The following RBFOX1 variants were observed in gnomAD, a reference collection of about 807,000 sequenced individuals.
RBFOX1 encodes RNA binding protein fox-1 homolog 1.
In RBFOX1, 8 loss-of-function variants were observed where a neutral mutation model predicts 57.7. That is an observed-to-expected ratio of 0.14 (90% confidence interval 0.08 to 0.25). The LOEUF (loss-of-function observed/expected upper bound fraction) is 0.25, where lower values mean the gene tolerates loss of function less well. RBFOX1 is among the 10% of genes least tolerant of loss of function. RBFOX1 has a pLI of 1.00. For missense variants in RBFOX1, 611 were observed against 548.5 expected (o/e 1.11, Z -1.14); for synonymous variants, 326 against 222.4 (o/e 1.47, Z -4.15).
At chr16:7,083,147 T>G (rs546802617) in intron 4 of RBFOX1, among the ~76,000 whole-genome samples, 3 of 152,270 alleles carry the variant, frequency 2.0e-5, no homozygotes, top group Admixed American at 2.0e-4. Flanking sequence ...ATGAGCAGAA[T>G]TTAAAACATA....
chr16:5,801,358 A>G (rs540785725), intron 3 of RBFOX1, among the ~76,000 whole-genome samples: 2 of 139,766 alleles, frequency 1.4e-5, no homozygotes, highest in African/African-American at 2.7e-5. Flanking sequence ...TTTTTTTTCA[A>G]TTTGAGTTTC....
At chr16:7,107,247 C>T (rs1056479269) in intron 4 of RBFOX1, among the ~76,000 whole-genome samples, 1 of 152,088 alleles carries the variant, frequency 6.6e-6, no homozygotes, top group Non-Finnish European at 1.5e-5. Flanking sequence ...GGGAGATCAG[C>T]ACACTGTGAG....
intron 4 of RBFOX1, among the ~76,000 whole-genome samples, chr16:7,082,930 G>C (rs1265034675): frequency 2.6e-5 from 4 of 152,172 alleles, no homozygotes; most frequent in Admixed American, 2.6e-4. Flanking sequence ...AGTTGTAAAT[G>C]TTTCCACTGT....
At chr16:5,718,892 G>C (rs1029582726) in intron 3 of RBFOX1, among the ~76,000 whole-genome samples, 1 of 151,980 alleles carries the variant, frequency 6.6e-6, no homozygotes, top group Non-Finnish European at 1.5e-5. Context: ...CTAGGTGACA[G>C]AGTGAGATTG....
At chr16:6,875,307 G>A (rs1002183140) in intron 3 of RBFOX1, among the ~76,000 whole-genome samples, 8 of 152,076 alleles carry the variant, frequency 5.3e-5, no homozygotes, top group Non-Finnish European at 1.0e-4. Flanking sequence ...GTGGGGGTGC[G>A]TTTTTTAGAG....
At chr16:7,326,781 A>G (rs890884359) in intron 4 of RBFOX1, among the ~76,000 whole-genome samples, 1 of 151,972 alleles carries the variant, frequency 6.6e-6, no homozygotes, top group African/African-American at 2.4e-5. Context: ...CCAACTTTGA[A>G]ACGCAGGCTT....
chr16:7,709,372 C>T, intron 15 of RBFOX1: 1 of 1,139,148 alleles, frequency 8.8e-7, no homozygotes, highest in Middle Eastern at 2.0e-4. Flanking sequence ...CCTAGCAGAG[C>T]ACTTACCTTA....
chr16:6,912,338 C>G (rs889814286), intron 3 of RBFOX1, among the ~76,000 whole-genome samples: 3 of 152,088 alleles, frequency 2.0e-5, no homozygotes, highest in Admixed American at 1.3e-4. Flanking sequence ...CTGTAATTTA[C>G]ACTTCTAGCA....
At chr16:5,992,576 G>T (rs1478956326) in intron 4 of RBFOX1, among the ~76,000 whole-genome samples, 2 of 152,118 alleles carry the variant, frequency 1.3e-5, no homozygotes, top group South Asian at 2.1e-4. Flanking sequence ...GTGTGTGTTG[G>T]GGAGTTTGTG....
chr16:6,469,026 G>C (rs961613230), intron 2 of RBFOX1, among the ~76,000 whole-genome samples: 13 of 152,008 alleles, frequency 8.6e-5, no homozygotes, highest in Non-Finnish European at 1.6e-4. Context: ...ATTGGAAGTG[G>C]TCAAGGCATT....
intron 4 of RBFOX1, among the ~76,000 whole-genome samples, chr16:7,341,646 A>T (rs145029028): frequency 1.4e-3 from 220 of 152,076 alleles, no homozygotes; most frequent in African/African-American, 4.9e-3. Flanking sequence ...ACAGAGAGAT[A>T]CTCCAAATGA....
At chr16:5,548,399 G>T (rs1266356315) in intron 2 of RBFOX1, among the ~76,000 whole-genome samples, 1 of 151,498 alleles carries the variant, frequency 6.6e-6, no homozygotes, top group African/African-American at 2.4e-5. Context: ...ATTAAAAAAA[G>T]GAGCACACAC....
intron 2 of RBFOX1, among the ~76,000 whole-genome samples, chr16:6,424,231 T>A (rs1248270290): frequency 1.3e-5 from 2 of 152,166 alleles, no homozygotes; most frequent in Admixed American, 6.5e-5. Flanking sequence ...AGAGCGAGAC[T>A]TGTTTCAAAA....
rs1356642711 is a variant in RBFOX1 at position 6,384,786 on chromosome 16, G to A, written c.-64+67729G>A. 6.6e-5 allele frequency among the ~76,000 whole-genome samples: 10 copies of A among 152,168 alleles called. 1 individual carries two copies. The highest frequency in any genetic ancestry group is 1.2e-4 in the African/African-American group (5 of 41,442). ...GGCTTCAAGCTTTGCTGTTTTCTCCGATCTGATATAGCCACTGTTCCTAGT... is the reference window on the plus strand; with the variant it reads ...GGCTTCAAGCTTTGCTGTTTTCTCCAATCTGATATAGCCACTGTTCCTAGT... On this transcript the variant is annotated intron_variant, in intron 2 of 15. Coordinates refer to ENST00000550418, the MANE Select transcript of RBFOX1 (RefSeq NM_018723.4).
At chr16:6,555,709 CAAAA>C (rs1050269739) in intron 2 of RBFOX1, among the ~76,000 whole-genome samples, 1 of 151,356 alleles carries the variant, frequency 6.6e-6, no homozygotes, top group African/African-American at 2.4e-5. Flanking sequence ...GAAAAAAAAA[CAAAA>C]CAAAACAAAC....
At chr16:5,900,911 T>C (rs1185942385) in intron 4 of RBFOX1, among the ~76,000 whole-genome samples, 2 of 152,188 alleles carry the variant, frequency 1.3e-5, no homozygotes, top group Non-Finnish European at 2.9e-5. Context: ...GGGAAATTAA[T>C]AGAACAAATC....
intron 3 of RBFOX1, among the ~76,000 whole-genome samples, chr16:7,022,712 C>G (rs1171381961): frequency 6.6e-6 from 1 of 152,060 alleles, no homozygotes; most frequent in African/African-American, 2.4e-5. Context: ...GGTAAGTAGG[C>G]AAAATGAGGA....
intron 2 of RBFOX1, among the ~76,000 whole-genome samples, chr16:6,572,325 T>C (rs74808127): frequency 2.0e-5 from 3 of 152,198 alleles, no homozygotes; most frequent in Non-Finnish European, 1.5e-5. Flanking sequence ...TTATGAATTT[T>C]GCACATTTTC....
At chr16:6,948,589 C>T (rs896489614) in intron 3 of RBFOX1, among the ~76,000 whole-genome samples, 2 of 151,758 alleles carry the variant, frequency 1.3e-5, no homozygotes, top group Non-Finnish European at 2.9e-5. Flanking sequence ...ACCATGTTGG[C>T]CAGACTGGTC....
Sources: allele counts gnomAD v4.1 joint callset (sites outside exome capture counted in the v4.1 genomes callset), GRCh38; gene constraint gnomAD v4.1.1; transcripts MANE v1.5; gene names NCBI Gene and HGNC (gene_info 2026-07-23, HGNC 2026-07-21).